The following CYFIP1 variants were observed in gnomAD, a reference collection of about 807,000 sequenced individuals.
The protein encoded by CYFIP1 is cytoplasmic FMR1 interacting protein 1, also known as cytoplasmic FMR1-interacting protein 1.
Under a neutral mutation model 163.5 loss-of-function variants are expected in CYFIP1, and 58 were observed. That is an observed-to-expected ratio of 0.35 (90% confidence interval 0.29 to 0.44). The LOEUF (loss-of-function observed/expected upper bound fraction) is 0.44. Ranked by LOEUF, CYFIP1 falls within the 20% of genes least tolerant of loss-of-function variation. CYFIP1 has a pLI of 1.00. For missense variants in CYFIP1, 1,338 were observed against 1,653.8 expected, an observed-to-expected ratio of 0.81 and a Z score of 3.31; for synonymous variants, 663 against 660.7, an observed-to-expected ratio of 1.00 and a Z score of -0.05.
chr15:22,876,324 C>A (rs1048101261), intron 26 of CYFIP1, among the ~76,000 whole-genome samples: 6 of 152,028 alleles, frequency 3.9e-5, no homozygotes, highest in African/African-American at 1.4e-4. Context: ...CCATCTGCTC[C>A]GCTTCTCTTT....
At chr15:22,974,032 T>C (rs1459331470) in intron 1 of CYFIP1, among the ~76,000 whole-genome samples, 3 of 152,176 alleles carry the variant, frequency 2.0e-5, no homozygotes, top group Non-Finnish European at 4.4e-5. Flanking sequence ...TAACAAGTGT[T>C]GTCCAGGGTG....
chr15:22,950,684 C>T (rs1311849215), intron 1 of CYFIP1, among the ~76,000 whole-genome samples: 1 of 152,268 alleles, frequency 6.6e-6, no homozygotes, highest in Non-Finnish European at 1.5e-5. Context: ...CCGTCCTGCT[C>T]CTCCCACCCA....
intron 23 of CYFIP1, among the ~76,000 whole-genome samples, chr15:22,883,816 C>CAA (rs34623284): frequency 3.9e-4 from 29 of 74,850 alleles, no homozygotes; most frequent in Admixed American, 6.2e-4. Flanking sequence ...GACTTCATCT[C>CAA]AAAAAAAAAA....
chr15:22,908,518 C>CTTT lies in CYFIP1; in HGVS notation c.2388+673_2388+675dup, dbSNP rs58565266. Among the ~76,000 whole-genome samples, 102 of 75,490 alleles carry CTTT rather than the reference C, an allele frequency of 1.4e-3. 13 individuals carry two copies. The highest frequency in any genetic ancestry group is 0.013 in the South Asian group (24 of 1,900). 49.5% of individuals were successfully genotyped at this position (75,490 alleles called of 152,430 possible). On this transcript the variant is annotated intron_variant, in intron 21 of 30. Transcript: ENST00000617928. ...CTCTTGGTCCCTAAAGAAGATATTT[C>CTTT]TTTTTTTTTTTTTTTTTTTTTTTTT...
rs1180068768 is a variant in CYFIP1 at position 22,917,519 on chromosome 15, G to A, written c.1674+269C>T. The A allele has an allele frequency of 1.8e-6, 1 of 553,154 alleles. No individual in the cohort carries two copies. The highest frequency in any genetic ancestry group is 2.0e-5 in the African/African-American group (1 of 50,952). 34.3% of individuals were successfully genotyped at this position (553,154 alleles called of 1,614,324 possible). A position where few individuals can be genotyped will look rare whatever the true frequency, so the allele number is the denominator to read the frequency against. On this transcript the variant is annotated intron_variant, in intron 15 of 30. Transcript: ENST00000617928. This position sits in a 1 kb window ranked among gnomAD's most constrained non-coding sequence, Gnocchi z 4.2. ...AGAATGAATACAGACACGTGGACTT[G>A]TGCCCACATTTTTGGGATGGGAGTT...
chr15:22,882,181 G>A (rs1243501385), intron 24 of CYFIP1, among the ~76,000 whole-genome samples: 1 of 152,210 alleles, frequency 6.6e-6, no homozygotes, highest in East Asian at 1.9e-4. Flanking sequence ...TGGTCCCGGG[G>A]TGCCACAATG....
rs924630299 is a variant in CYFIP1, at chr15:22,883,738, A to G, written c.2677-727T>C. On this transcript the variant is annotated intron_variant, in intron 23 of 30. Coordinates refer to ENST00000617928, the MANE Select transcript of CYFIP1 (RefSeq NM_014608.6). ...AGGCTGAGGCAGGAGAATGGCATGAACCTGGGATGTGGAGCTTGCAGTGAG... is the reference window on the plus strand; with the variant it reads ...AGGCTGAGGCAGGAGAATGGCATGAGCCTGGGATGTGGAGCTTGCAGTGAG... 3.4e-5 allele frequency among the ~76,000 whole-genome samples: 5 copies of G among 148,796 alleles called. No homozygotes were observed. In the East Asian group the frequency reaches 1.0e-3, roughly 30 times the overall value.
At chr15:22,937,423 C>T (rs1461235950) in intron 8 of CYFIP1, among the ~76,000 whole-genome samples, 1 of 152,050 alleles carries the variant, frequency 6.6e-6, no homozygotes, top group African/African-American at 2.4e-5. Context: ...CCAGGTCAGT[C>T]GCTAAAAGCG....
intron 26 of CYFIP1, among the ~76,000 whole-genome samples, chr15:22,877,566 G>A (rs2059621277): frequency 6.6e-6 from 1 of 151,530 alleles, no homozygotes; most frequent in Admixed American, 6.6e-5. Context: ...CCTAACATCT[G>A]GTTTTTAACA....
chr15:22,950,858 C>T (rs947756691), intron 1 of CYFIP1, among the ~76,000 whole-genome samples: 1 of 152,244 alleles, frequency 6.6e-6, no homozygotes, highest in Non-Finnish European at 1.5e-5. Flanking sequence ...CTGCGCCGCC[C>T]ATCTCACCGC....
chr15:22,964,616 A>G (rs1742811108), intron 1 of CYFIP1, among the ~76,000 whole-genome samples: 2 of 152,106 alleles, frequency 1.3e-5, no homozygotes, highest in South Asian at 4.1e-4. Context: ...ACAGGGCTCC[A>G]TGTTCCCTCT....
At chr15:22,907,401 C>T (rs2060621629) in intron 21 of CYFIP1, among the ~76,000 whole-genome samples, 1 of 152,158 alleles carries the variant, frequency 6.6e-6, no homozygotes, top group Admixed American at 6.5e-5. Context: ...AGGGCTGGCA[C>T]AAACGATCGG....
intron 1 of CYFIP1, among the ~76,000 whole-genome samples, chr15:22,976,521 T>C (rs1232103326): frequency 7.3e-6 from 1 of 137,338 alleles, no homozygotes; most frequent in African/African-American, 2.5e-5. Flanking sequence ...TTTCATTATC[T>C]GCAATTTCTG....
intron 13 of CYFIP1, among the ~76,000 whole-genome samples, chr15:22,924,416 T>G (rs560375842): frequency 6.6e-6 from 1 of 152,144 alleles, no homozygotes; most frequent in African/African-American, 2.4e-5. Context: ...AGAGCAAGGC[T>G]CCATCTTAAG....
Position 22,881,840 on chromosome 15 carries a change from A to G in CYFIP1, c.2911+6T>C, listed in dbSNP as rs773011614. The G allele has an allele frequency of 6.2e-7, 1 of 1,609,094 alleles. No individual in the cohort carries two copies. The highest frequency in any genetic ancestry group is 8.5e-7 in the Non-Finnish European group (1 of 1,179,596). The stretch of plus-strand genomic sequence containing the variant: ...AGCACTGTGAGCTCCACACGCCCGC[A>G]CTCACCAGGAGAGCCGTACTCGTGC... On this transcript the variant is annotated splice_donor_region_variant and intron_variant, in intron 25 of 30. Coordinates refer to ENST00000617928, the MANE Select transcript of CYFIP1 (RefSeq NM_014608.6).
At chr15:22,882,231 C>T (rs779994586) in intron 24 of CYFIP1, among the ~76,000 whole-genome samples, 6 of 152,240 alleles carry the variant, frequency 3.9e-5, no homozygotes, top group Non-Finnish European at 8.8e-5. Flanking sequence ...TATGGGGATG[C>T]ACCCCAGCAT....
chr15:22,920,159 CTTTTTT>C (rs71117470), intron 13 of CYFIP1, among the ~76,000 whole-genome samples: 1 of 75,520 alleles, frequency 1.3e-5, no homozygotes, highest in Non-Finnish European at 2.3e-5. Context: ...ATTAAGGCAG[CTTTTTT>C]TTTTTTTTTT....
At chr15:22,890,978 A>G (rs568434239) in intron 23 of CYFIP1, among the ~76,000 whole-genome samples, 2 of 152,180 alleles carry the variant, frequency 1.3e-5, no homozygotes, top group Admixed American at 1.3e-4. Context: ...TTTTCTCCCC[A>G]AGGCAGGCAA....
rs560025608 is a variant in CYFIP1, at chr15:22,941,344, G to A, written c.569+1829C>T. On this transcript the variant is annotated intron_variant, in intron 6 of 30. Coordinates refer to ENST00000617928, the MANE Select transcript of CYFIP1 (RefSeq NM_014608.6). Reference sequence around the variant, plus strand: ...CTCAAGGTGCTGGGATTACAGGTGTGAGCCATCGCACCTGGCCATGTTTGC... The same window carrying A: ...CTCAAGGTGCTGGGATTACAGGTGTAAGCCATCGCACCTGGCCATGTTTGC... Among the ~76,000 whole-genome samples, 6 of 152,250 alleles carry A rather than the reference G, an allele frequency of 3.9e-5. No homozygotes were observed. The East Asian group carries it at 9.7e-4, about 25-fold the overall frequency.
Sources: gnomAD v4.1 joint callset for allele counts (sites outside exome capture counted in the v4.1 genomes callset) on GRCh38, gnomAD v4.1.1 for gene constraint, Gnocchi (gnomAD v3.1) non-coding constraint, MANE v1.5 for transcripts, NCBI Gene and HGNC (gene_info 2026-07-23, HGNC 2026-07-21) for gene names.